Variants in LRRC42 observed in about 807,000 individuals in gnomAD.
LRRC42 encodes the protein leucine-rich repeat-containing protein 42.
In LRRC42, 43 loss-of-function variants were observed where a neutral mutation model predicts 44.3. The ratio of observed to expected loss-of-function variants is 0.97; its 90% CI spans 0.76 to 1.25. The LOEUF (loss-of-function observed/expected upper bound fraction) is 1.25. Ranked by LOEUF, LRRC42 falls within the 50% of genes most tolerant of loss-of-function variation. The pLI, the probability that LRRC42 is intolerant of heterozygous loss-of-function variation, is 0.00. For missense variants in LRRC42, 540 were observed against 509.1 expected (o/e 1.06, Z -0.58); for synonymous variants, 207 against 195.2 (o/e 1.06, Z -0.50).
intron 7 of LRRC42, among the ~76,000 whole-genome samples, chr1:53,963,470 C>T (rs1411883500): frequency 6.6e-6 from 1 of 152,204 alleles, no homozygotes; most frequent in Admixed American, 6.5e-5. Flanking sequence ...CTCAGCAACC[C>T]CATAGCTGTA....
Position 53,956,057 on chromosome 1 carries a change from A to G in LRRC42, c.474-2092A>G, listed in dbSNP as rs548303141. 3.4e-4 allele frequency among the ~76,000 whole-genome samples: 52 copies of G among 152,372 alleles called. 1 individual carries two copies. The highest frequency in any genetic ancestry group is 1.2e-3 in the African/African-American group (52 of 41,604). On this transcript the variant is annotated intron_variant, in intron 3 of 8. Transcript: ENST00000371370. ...GAATCCTTAAAGGCAAATAGAGGGCAGGAAACTTGAGGTTGCATTTGCAAT... is the reference window on the plus strand; with the variant it reads ...GAATCCTTAAAGGCAAATAGAGGGCGGGAAACTTGAGGTTGCATTTGCAAT...
chr1:53,959,622 T>A (rs1389553249), intron 4 of LRRC42, among the ~76,000 whole-genome samples: 2 of 152,258 alleles, frequency 1.3e-5, no homozygotes, highest in African/African-American at 4.8e-5. Context: ...GTATACCTTA[T>A]TAACCCAAAC....
At chr1:53,961,162 C>G (rs1396016278) in intron 5 of LRRC42, among the ~76,000 whole-genome samples, 1 of 152,174 alleles carries the variant, frequency 6.6e-6, no homozygotes, top group Non-Finnish European at 1.5e-5. Context: ...GTAATCCCAG[C>G]ACTTTGGGAG....
chr1:53,957,567 G>A (rs1030782676), intron 3 of LRRC42, among the ~76,000 whole-genome samples: 5 of 152,200 alleles, frequency 3.3e-5, no homozygotes, highest in African/African-American at 9.6e-5. Context: ...CTAGACTGGA[G>A]TGAGTCCTTG....
In LRRC42 at chr1:53,967,970, C is replaced by T; in HGVS notation, c.*31C>T. The T allele has an allele frequency of 6.3e-7, 1 of 1,595,484 alleles. No individual in the cohort carries two copies. The highest frequency in any genetic ancestry group is 8.6e-7 in the Non-Finnish European group (1 of 1,168,794). On this transcript the variant is annotated 3_prime_UTR_variant, in exon 9 of 9. Transcript: ENST00000371370. ...AGATACAAGTTGACCTTTCTCTGGC[C>T]CCCAGCTCTAGTGTTTGAGTAAAGG... is the stretch of plus-strand genomic sequence containing the variant.
intron 2 of LRRC42, among the ~76,000 whole-genome samples, chr1:53,949,251 C>T (rs1045397315): frequency 3.9e-5 from 6 of 152,102 alleles, no homozygotes; most frequent in Non-Finnish European, 8.8e-5. Context: ...TAGTTTTCAT[C>T]TGAAGTGGTC....
chr1:53,964,582 A>G (rs1655077877), intron 7 of LRRC42, among the ~76,000 whole-genome samples: 1 of 152,204 alleles, frequency 6.6e-6, no homozygotes, highest in African/African-American at 2.4e-5. Flanking sequence ...AACATGTTCT[A>G]TTAATCCATC....
intron 7 of LRRC42, among the ~76,000 whole-genome samples, chr1:53,963,128 C>G (rs1213405406): frequency 6.6e-6 from 1 of 152,108 alleles, no homozygotes; most frequent in African/African-American, 2.4e-5. Flanking sequence ...CCAAACTGTC[C>G]TGGATCCCCT....
chr1:53,951,698 T>A (rs1285364791), intron 2 of LRRC42, among the ~76,000 whole-genome samples: 2 of 152,202 alleles, frequency 1.3e-5, no homozygotes, highest in African/African-American at 4.8e-5. Flanking sequence ...GTGCTGAGAT[T>A]ACAGGCGTGA....
intron 4 of LRRC42, among the ~76,000 whole-genome samples, chr1:53,958,495 ACT>A (rs1654906816): frequency 6.6e-6 from 1 of 151,910 alleles, no homozygotes; most frequent in African/African-American, 2.4e-5. Context: ...CAGTTAGTTG[ACT>A]CTTTTTTTCT....
intron 3 of LRRC42, among the ~76,000 whole-genome samples, chr1:53,952,783 C>G (rs1426775925): frequency 1.3e-5 from 2 of 152,188 alleles, no homozygotes; most frequent in Non-Finnish European, 2.9e-5. Flanking sequence ...CCAAATATCT[C>G]TTGATACGCT....
At chr1:53,953,304 T>G (rs1020821691) in intron 3 of LRRC42, among the ~76,000 whole-genome samples, 1 of 152,258 alleles carries the variant, frequency 6.6e-6, no homozygotes, top group Admixed American at 6.5e-5. Flanking sequence ...TACACTCTTA[T>G]GGACCTTGCT....
chr1:53,958,075 T>C (rs570757546), intron 3 of LRRC42, 74 bp from the exon 4 acceptor site: 1 of 1,584,480 alleles, frequency 6.3e-7, no homozygotes, highest in East Asian at 2.3e-5. Flanking sequence ...ATATTGACTA[T>C]GATACAAATC....
chr1:53,948,630 C>T (rs901964300), intron 2 of LRRC42, among the ~76,000 whole-genome samples: 4 of 152,108 alleles, frequency 2.6e-5, no homozygotes, highest in Non-Finnish European at 4.4e-5. Context: ...ACAGCTACTA[C>T]GATCTACATT....
At chr1:53,960,262 A>G (rs1255943549) in intron 4 of LRRC42, 94 bp from the exon 5 acceptor site, 3 of 853,172 alleles carry the variant, frequency 3.5e-6, no homozygotes, top group Non-Finnish European at 5.7e-6. Context: ...AGGATATGTT[A>G]TATTTTTAAA....
Position 53,958,146 on chromosome 1 carries a change from T to C in LRRC42, c.474-3T>C, listed in dbSNP as rs753835258. The C allele has an allele frequency of 4.3e-6, 7 of 1,613,492 alleles. No individual in the cohort carries two copies. Among genetic ancestry groups the C allele is most frequent in the South Asian group, 3.3e-5 (3 of 91,080 alleles). On this transcript the variant is annotated splice_region_variant and splice_polypyrimidine_tract_variant and intron_variant, in intron 3 of 8. Transcript: ENST00000371370. ...GCTATTGATTGCTCTCCACGCTCCG[T>C]AGGTATCTCGTGATTTCAGAAAAGC...
Position 53,958,256 on chromosome 1 carries a change from A to T in LRRC42, c.581A>T (p.His194Leu). 1 of 1,613,712 alleles carries T rather than the reference A, an allele frequency of 6.2e-7. No homozygotes were observed. The highest frequency in any genetic ancestry group is 8.5e-7 in the Non-Finnish European group (1 of 1,179,694). The part of the protein sequence containing the change: ...KLGDEHELLE[H>L]LTNEALSSVT... ...GGAGATGAGCATGAACTTCTAGAAC[A>T]TCTCACCAATGAAGCCCTGTCTAGG... is the stretch of plus-strand genomic sequence containing the variant. The change falls in exon 4 of 9, where the codon CAT (histidine) becomes CTT (leucine). Residue 194 changes from histidine (H) to leucine (L), a missense_variant. Transcript: ENST00000371370.
rs145112893 is a variant in LRRC42 at position 53,965,097 on chromosome 1, C to T, written c.928-1199C>T. 8.7e-3 allele frequency among the ~76,000 whole-genome samples: 1,309 copies of T among 151,296 alleles called. 9 individuals carry two copies. The highest frequency in any genetic ancestry group is 0.014 in the Non-Finnish European group (960 of 67,874). On this transcript the variant is annotated intron_variant, in intron 7 of 8. Coordinates refer to ENST00000371370, the MANE Select transcript of LRRC42 (RefSeq NM_001256409.2). ...CTTGGCTCACTGCAACCTCCACCTC[C>T]GGGTTCAAGTGATTCTCATGCCTCA...
In LRRC42 at chr1:53,967,921, C is replaced by T. The variant is rs1655174953; in HGVS notation, c.1269C>T (p.Asp423=). 2 of 1,613,710 alleles carry T rather than the reference C, an allele frequency of 1.2e-6. No homozygotes were observed. The highest frequency in any genetic ancestry group is 8.5e-7 in the Non-Finnish European group (1 of 1,179,702). Residue 423 remains aspartate, a synonymous_variant, in exon 9 of 9, where the codon GAC becomes GAT. Transcript: ENST00000371370. ...KYVCLAVEDW[D]LLNSY ...TATGTCTTGCTGTGGAAGACTGGGA[C>T]TTGTTAAATTCCTATTGATTAGTAG...
Sources: allele counts gnomAD v4.1 joint callset (sites outside exome capture counted in the v4.1 genomes callset), GRCh38; gene constraint gnomAD v4.1.1; transcripts MANE v1.5; gene names NCBI Gene and HGNC (gene_info 2026-07-23, HGNC 2026-07-21).